Variants in BACH2 observed in about 807,000 individuals in gnomAD.
The protein encoded by BACH2 is transcription regulator protein BACH2.
A neutral mutation model predicts 61.8 loss-of-function variants in BACH2; 5 were observed. That is an observed-to-expected ratio of 0.08 (90% CI 0.04 to 0.17). The LOEUF is 0.17. Ranked by LOEUF, BACH2 falls within the 10% of genes least tolerant of loss-of-function variation. The pLI, the probability that BACH2 is intolerant of heterozygous loss-of-function variation, is 1.00. For missense variants in BACH2, 824 were observed against 1,091.1 expected, an observed-to-expected ratio of 0.76 and a Z score of 3.45; for synonymous variants, 446 against 440.1, an observed-to-expected ratio of 1.01 and a Z score of -0.17.
chr6:89,979,156 G>GA lies in BACH2; in HGVS notation c.244-27295dup, dbSNP rs368370678. Among the ~76,000 whole-genome samples the GA allele has an allele frequency of 2.3e-3, 353 of 152,266 alleles. 7 individuals carry two copies. The highest frequency in any genetic ancestry group is 7.7e-3 in the African/African-American group (320 of 41,546). Reference sequence around the variant, plus strand: ...AAGTGTGGATGAAAAAAACGCATCAGAATTTCTTTCTCCAATGATACCATG... The same window carrying GA: ...AAGTGTGGATGAAAAAAACGCATCAGAAATTTCTTTCTCCAATGATACCATG... On this transcript the variant is annotated intron_variant, in intron 6 of 8. Transcript: ENST00000257749.
chr6:90,255,578 G>A (rs899453989), intron 2 of BACH2, among the ~76,000 whole-genome samples: 1 of 152,116 alleles, frequency 6.6e-6, no homozygotes, highest in Non-Finnish European at 1.5e-5. Context: ...TAAGGGAAGA[G>A]AAGAGGGAAG....
At chr6:90,266,215 C>T (rs1171983090) in intron 2 of BACH2, among the ~76,000 whole-genome samples, 1 of 152,144 alleles carries the variant, frequency 6.6e-6, no homozygotes, top group Non-Finnish European at 1.5e-5. Flanking sequence ...ATGTAAATTC[C>T]TTTTTAAATC....
intron 6 of BACH2, among the ~76,000 whole-genome samples, chr6:89,995,057 C>T (rs946293120): frequency 8.5e-5 from 13 of 152,200 alleles, no homozygotes; most frequent in Non-Finnish European, 1.5e-4. Flanking sequence ...CAATTTCCCC[C>T]ACTCCAGAGT....
intron 4 of BACH2, among the ~76,000 whole-genome samples, chr6:90,143,952 C>T (rs867853831): frequency 6.6e-6 from 1 of 152,130 alleles, no homozygotes; most frequent in Non-Finnish European, 1.5e-5. Flanking sequence ...AACTCTTTCC[C>T]CTGTTAGAAG....
At chr6:89,978,633 T>TAAAAAAAAAAAAAAAAA (rs753724278) in intron 6 of BACH2, among the ~76,000 whole-genome samples, 14 of 86,052 alleles carry the variant, frequency 1.6e-4, no homozygotes, top group Non-Finnish European at 2.5e-4. Context: ...GTGTTGGCTT[T>TAAAAAAAAAAAAAAAAA]AAAAAAAAAA....
At chr6:90,219,629 G>A (rs1465866342) in intron 3 of BACH2, among the ~76,000 whole-genome samples, 2 of 152,162 alleles carry the variant, frequency 1.3e-5, no homozygotes, top group African/African-American at 2.4e-5. Context: ...ACCATCCGCG[G>A]AATCTGTACA....
chr6:89,938,438 T>G, intron 7 of BACH2, 88 bp from the exon 8 acceptor site: 1 of 1,098,106 alleles, frequency 9.1e-7, no homozygotes, highest in Non-Finnish European at 1.3e-6. Flanking sequence ...ACCTCCTTTT[T>G]ATGATGACCA....
intron 5 of BACH2, among the ~76,000 whole-genome samples, chr6:90,065,199 G>A (rs1780885568): frequency 6.7e-6 from 1 of 148,548 alleles, no homozygotes; most frequent in Non-Finnish European, 1.5e-5. Flanking sequence ...TGAAATCCTT[G>A]AGGCATGTCC....
intron 5 of BACH2, among the ~76,000 whole-genome samples, chr6:90,075,525 A>C (rs1781435929): frequency 1.3e-5 from 2 of 149,906 alleles, no homozygotes; most frequent in Admixed American, 6.6e-5. Context: ...TGATTGGATG[A>C]ATAAAATAAG....
intron 5 of BACH2, among the ~76,000 whole-genome samples, chr6:90,079,170 G>C (rs1047575625): frequency 2.0e-5 from 3 of 152,138 alleles, no homozygotes; most frequent in Non-Finnish European, 4.4e-5. Context: ...GGTTGCATTC[G>C]ACTCAGCAGC....
intron 3 of BACH2, among the ~76,000 whole-genome samples, chr6:90,213,068 T>C (rs1441153152): frequency 6.6e-6 from 1 of 152,192 alleles, no homozygotes; most frequent in Non-Finnish European, 1.5e-5. Flanking sequence ...AGAGGTTACT[T>C]GGCCTGGCCC....
chr6:90,048,399 G>A (rs1250751593), intron 5 of BACH2, among the ~76,000 whole-genome samples: 1 of 152,178 alleles, frequency 6.6e-6, no homozygotes, highest in Non-Finnish European at 1.5e-5. Context: ...TTGGGCCTAA[G>A]CCTTCATGCT....
chr6:90,173,868 A>G (rs2127838389), intron 4 of BACH2, among the ~76,000 whole-genome samples: 1 of 152,302 alleles, frequency 6.6e-6, no homozygotes, highest in African/African-American at 2.4e-5. Context: ...AATTCCAATT[A>G]TGTGATTTAC....
chr6:90,112,031 T>C (rs990260834), intron 4 of BACH2, among the ~76,000 whole-genome samples: 7 of 152,234 alleles, frequency 4.6e-5, no homozygotes, highest in Admixed American at 1.3e-4. Context: ...CCGTCACTAG[T>C]ACATACTTTG....
rs185760674 is a variant in BACH2, at chr6:90,137,104, G to A, written c.-161-47995C>T. Reference sequence around the variant, plus strand: ...CAGTGAAGCCAGGAAGAGAACAGACGGCAAAGCCTGACACAGACAGAAAGA... The same window carrying A: ...CAGTGAAGCCAGGAAGAGAACAGACAGCAAAGCCTGACACAGACAGAAAGA... On this transcript the variant is annotated intron_variant, in intron 4 of 8. Coordinates refer to ENST00000257749, the MANE Select transcript of BACH2 (RefSeq NM_021813.4). 7.4e-4 allele frequency among the ~76,000 whole-genome samples: 112 copies of A among 152,156 alleles called. 2 individuals carry two copies. Among genetic ancestry groups the A allele is most frequent in the Admixed American group, 5.2e-3 (80 of 15,290 alleles).
At chr6:90,166,441 T>C (rs190835974) in intron 4 of BACH2, among the ~76,000 whole-genome samples, 1 of 152,238 alleles carries the variant, frequency 6.6e-6, no homozygotes, top group Admixed American at 6.5e-5. Context: ...ATAGAAACAC[T>C]TTTACACTGT....
intron 4 of BACH2, among the ~76,000 whole-genome samples, chr6:90,199,762 C>T (rs1768894642): frequency 1.3e-5 from 2 of 152,154 alleles, no homozygotes; most frequent in South Asian, 4.1e-4. Flanking sequence ...TTCTTTTTGG[C>T]TTCACAAACT....
chr6:90,126,335 T>G (rs1425526094), intron 4 of BACH2, among the ~76,000 whole-genome samples: 1 of 152,156 alleles, frequency 6.6e-6, no homozygotes, highest in Admixed American at 6.5e-5. Flanking sequence ...CTCAAAAATG[T>G]GGGTCAGAGT....
intron 4 of BACH2, among the ~76,000 whole-genome samples, chr6:90,102,832 A>G: frequency 1.4e-5 from 2 of 140,658 alleles, no homozygotes; most frequent in Middle Eastern, 3.6e-3. Context: ...AATAATAATA[A>G]TAATAATAAA....
Sources: allele counts gnomAD v4.1 joint callset (sites outside exome capture counted in the v4.1 genomes callset), GRCh38; gene constraint gnomAD v4.1.1; transcripts MANE v1.5; gene names NCBI Gene and HGNC (gene_info 2026-07-23, HGNC 2026-07-21).